Variants in SLC38A10 observed in about 807,000 individuals in gnomAD.
SLC38A10 encodes the protein solute carrier family 38 member 10, also known as Sodium-coupled neutral amino acid transporter 10.
In SLC38A10, 53 loss-of-function variants were observed where a neutral mutation model predicts 81.0. The ratio of observed to expected loss-of-function variants is 0.65; its 90% confidence interval spans 0.53 to 0.82. The LOEUF (loss-of-function observed/expected upper bound fraction) is 0.82. Among genes scored for constraint, SLC38A10 ranks in the 40% least tolerant of loss-of-function variants. SLC38A10 has a pLI of 0.00. For missense variants in SLC38A10, 1,471 were observed against 1,545.0 expected (o/e 0.95, Z 0.80); for synonymous variants, 665 against 655.3 (o/e 1.01, Z -0.23).
intron 11 of SLC38A10, among the ~76,000 whole-genome samples, chr17:81,258,983 T>G (rs545965391): frequency 1.3e-5 from 2 of 152,296 alleles, no homozygotes; most frequent in South Asian, 4.1e-4. Flanking sequence ...TTGGCAAATA[T>G]GAGCACAGCG....
chr17:81,249,945 T>C, intron 14 of SLC38A10: 1 of 853,872 alleles, frequency 1.2e-6, no homozygotes, highest in Non-Finnish European at 1.6e-6. Flanking sequence ...TGCGCAGGTC[T>C]GGGGCCTGAC....
chr17:81,247,655 C>T (rs2062865097), intron 14 of SLC38A10: 1 of 144,548 alleles, frequency 6.9e-6, no homozygotes, highest in Non-Finnish European at 1.5e-5. Context: ...GCAAGACCCC[C>T]ATCTCCACAA....
intron 10 of SLC38A10, among the ~76,000 whole-genome samples, chr17:81,261,951 G>A (rs1435509231): frequency 2.6e-5 from 4 of 152,328 alleles, no homozygotes; most frequent in East Asian, 3.9e-4. Context: ...CCCTGGCCCC[G>A]AATGTTCTCC....
rs920213262 is a variant in SLC38A10 at position 81,277,960 on chromosome 17, G to A, written c.627-827C>T. On this transcript the variant is annotated intron_variant, in intron 6 of 15. Transcript: ENST00000374759. The surrounding 1 kb of genome is among the most constrained non-coding windows in gnomAD (Gnocchi z 4.5). ...GTGGGAGTCCAGGGGGGTGCTCCTAGGGTGTCCAGGTGGCCATGGCCATGG... is the reference window on the plus strand; with the variant it reads ...GTGGGAGTCCAGGGGGGTGCTCCTAAGGTGTCCAGGTGGCCATGGCCATGG... Among the ~76,000 whole-genome samples, 1 of 151,892 alleles carries A rather than the reference G, an allele frequency of 6.6e-6. No homozygotes were observed. Among genetic ancestry groups the A allele is most frequent in the Admixed American group, 6.5e-5 (1 of 15,270 alleles).
chr17:81,290,370 A>C (rs529215142), intron 1 of SLC38A10, among the ~76,000 whole-genome samples: 15 of 152,350 alleles, frequency 9.8e-5, no homozygotes, highest in Admixed American at 6.5e-4. Context: ...AATGTCCTTC[A>C]ACAAGCGAAT....
At chr17:81,275,423 T>C (rs1436593289) in intron 8 of SLC38A10, among the ~76,000 whole-genome samples, 2 of 151,670 alleles carry the variant, frequency 1.3e-5, no homozygotes, top group Non-Finnish European at 2.9e-5. Context: ...TTTTCAAAGT[T>C]ACACAAAAGT....
rs761256608 is a variant in SLC38A10 at position 81,253,367 on chromosome 17, G to A, written c.1289-127C>T. On this transcript the variant is annotated intron_variant, in intron 11 of 15. Coordinates refer to ENST00000374759, the MANE Select transcript of SLC38A10 (RefSeq NM_001037984.3). This position sits in a 1 kb window ranked among gnomAD's most constrained non-coding sequence, Gnocchi z 4.1. ...TCAAAGCAGTTTCTTTTTCCTGTTC[G>A]ATCATTAGCAGCTAAGTAGCACAGA... is the stretch of plus-strand genomic sequence containing the variant. The A allele has an allele frequency of 7.8e-6, 9 of 1,149,252 alleles. No individual in the cohort carries two copies. The highest frequency in any genetic ancestry group is 2.7e-5 in the Admixed American group (1 of 36,624). 71.2% of individuals were successfully genotyped at this position (1,149,252 alleles called of 1,614,324 possible).
rs918039435 is a variant in SLC38A10, at chr17:81,247,396, G to A, written c.2066-335C>T. The A allele has an allele frequency of 8.6e-5, 21 of 243,230 alleles. No homozygotes were observed. The East Asian group carries it at 1.5e-3, about 18-fold the overall frequency. 15.1% of individuals were successfully genotyped at this position (243,230 alleles called of 1,614,324 possible). A position where few individuals can be genotyped will look rare whatever the true frequency, so the allele number is the denominator to read the frequency against. The stretch of plus-strand genomic sequence containing the variant: ...CGGCAGGACCCCAGCAAGCCTGCTC[G>A]TTGCCCATGGAAGTGAGTGTCCAGA... On this transcript the variant is annotated intron_variant, in intron 14 of 15. Coordinates refer to ENST00000374759, the MANE Select transcript of SLC38A10 (RefSeq NM_001037984.3).
intron 8 of SLC38A10, among the ~76,000 whole-genome samples, chr17:81,273,061 C>T (rs1343953239): frequency 1.3e-5 from 2 of 152,170 alleles, no homozygotes; most frequent in African/African-American, 4.8e-5. Flanking sequence ...AGAACCCCCC[C>T]AAACACACGC....
rs1474828418 is a variant in SLC38A10 at position 81,246,956 on chromosome 17, G to A, written c.2171C>T (p.Ala724Val). The change falls in exon 15 of 16, where the codon GCG (alanine) becomes GTG (valine). Residue 724 changes from alanine to valine, a missense_variant. Ala to Val is a moderately conservative substitution (Grantham distance 64). Transcript: ENST00000374759. ...RLLDQQEKLL[A>V]VIEEQHKEIH... Reference sequence around the variant, plus strand: ...CTCCTTGTGCTGCTCCTCGATCACCGCCAGCAGCTTCTCCTGCTGGTCCAG... The same window carrying A: ...CTCCTTGTGCTGCTCCTCGATCACCACCAGCAGCTTCTCCTGCTGGTCCAG... The A allele has an allele frequency of 1.9e-6, 3 of 1,607,170 alleles. No individual in the cohort carries two copies. Among genetic ancestry groups the A allele is most frequent in the Non-Finnish European group, 2.5e-6 (3 of 1,179,536 alleles).
chr17:81,268,479 C>T (rs2063088630), intron 10 of SLC38A10, among the ~76,000 whole-genome samples: 1 of 151,464 alleles, frequency 6.6e-6, no homozygotes, highest in South Asian at 2.1e-4. Flanking sequence ...TATCTCGGCT[C>T]ACTGCAACCT....
At chr17:81,258,160 ACT>A (rs1165433294) in intron 11 of SLC38A10, among the ~76,000 whole-genome samples, 1 of 151,920 alleles carries the variant, frequency 6.6e-6, no homozygotes. Context: ...GCCACGCAGG[ACT>A]CTCACCCAGT....
In SLC38A10 at chr17:81,246,205, G is replaced by A. The variant is rs769938198; in HGVS notation, c.2711C>T (p.Thr904Ile). 9 of 1,612,598 alleles carry A rather than the reference G, an allele frequency of 5.6e-6. No individual in the cohort carries two copies. Among genetic ancestry groups the A allele is most frequent in the African/African-American group, 5.3e-5 (4 of 74,948 alleles). ...KPGKEVAATG[T>I]SILKEANWLV... Reference sequence around the variant, plus strand: ...CCAGTTGGCTTCCTTCAGAATGCTGGTGCCAGTGGCTGCCACCTCCTTCCC... The same window carrying A: ...CCAGTTGGCTTCCTTCAGAATGCTGATGCCAGTGGCTGCCACCTCCTTCCC... Residue 904 changes from threonine to isoleucine, a missense_variant, in exon 16 of 16, where the codon ACC becomes ATC. Transcript: ENST00000374759.
rs1301384971 is a variant in SLC38A10 at position 81,270,851 on chromosome 17, C to A, written c.1131+67G>T. On this transcript the variant is annotated intron_variant, in intron 10 of 15. Transcript: ENST00000374759. This position sits in a 1 kb window ranked among gnomAD's most constrained non-coding sequence, Gnocchi z 4.0. Reference sequence around the variant, plus strand: ...AAACGCTGAACCAGGGGCTTCCTCCCGCCTCCACCTCTCCCCAGCCCAGAC... The same window carrying A: ...AAACGCTGAACCAGGGGCTTCCTCCAGCCTCCACCTCTCCCCAGCCCAGAC... 3 of 1,383,034 alleles carry A rather than the reference C, an allele frequency of 2.2e-6. No homozygotes were observed. Among genetic ancestry groups the A allele is most frequent in the Non-Finnish European group, 3.1e-6 (3 of 978,406 alleles). The allele number at this position is 1,383,034 out of a possible 1,614,324, so 85.7% of individuals were successfully genotyped here.
chr17:81,260,300 G>T lies in SLC38A10; in HGVS notation c.1226C>A (p.Ala409Asp), dbSNP rs750763576. 38 of 1,607,596 alleles carry T rather than the reference G, an allele frequency of 2.4e-5. No individual in the cohort carries two copies. The highest frequency in any genetic ancestry group is 5.1e-5 in the Admixed American group (3 of 59,130). ...EEVPEDLAEE[A>D]PGGRLGEAEG... The stretch of plus-strand genomic sequence containing the variant: ...GGCCTCTCCAAGCCGGCCGCCAGGG[G>T]CTTCCTCTGCCAAGTCCTCGGGGAC... Residue 409 changes from alanine (A) to aspartate (D), a missense_variant, in exon 11 of 16, where the codon GCC becomes GAC. By Grantham distance (126) the Ala-to-Asp change is moderately radical. Transcript: ENST00000374759.
At chr17:81,291,927 T>C (rs1454776216) in intron 1 of SLC38A10, among the ~76,000 whole-genome samples, 1 of 152,196 alleles carries the variant, frequency 6.6e-6, no homozygotes, top group African/African-American at 2.4e-5. Flanking sequence ...GTCAGCAGTG[T>C]GCCCCGGGTA....
chr17:81,254,873 G>T (rs1165959808), intron 11 of SLC38A10, among the ~76,000 whole-genome samples: 5 of 152,278 alleles, frequency 3.3e-5, no homozygotes, highest in African/African-American at 1.2e-4. Context: ...AATCAAGAGG[G>T]CCTGTCCAAT....
In SLC38A10 at chr17:81,280,629, G is replaced by T; in HGVS notation, c.606C>A (p.Gly202=). ...CTTACGACTGGCAGGCGAAGGACATGCCGAAGATGGGGATGCAGCGGAAGA... is the reference window on the plus strand; with the variant it reads ...CTTACGACTGGCAGGCGAAGGACATTCCGAAGATGGGGATGCAGCGGAAGA... ...EGVFRCIPIF[G]MSFACQSQVL... The change falls in exon 6 of 16, where the codon GGC becomes GGA. Residue 202 remains glycine, a synonymous_variant. Transcript: ENST00000374759. The T allele has an allele frequency of 6.2e-7, 1 of 1,612,706 alleles. No individual in the cohort carries two copies. The highest frequency in any genetic ancestry group is 8.5e-7 in the Non-Finnish European group (1 of 1,179,718).
chr17:81,264,943 C>T (rs2063057499), intron 10 of SLC38A10: 1 of 152,218 alleles, frequency 6.6e-6, no homozygotes, highest in Admixed American at 6.5e-5. Flanking sequence ...CCTCCCGCGC[C>T]CCAGGGATCT....
Sources: gnomAD v4.1 joint callset for allele counts (sites outside exome capture counted in the v4.1 genomes callset) on GRCh38, gnomAD v4.1.1 for gene constraint, Gnocchi (gnomAD v3.1) non-coding constraint, MANE v1.5 for transcripts, NCBI Gene and HGNC (gene_info 2026-07-23, HGNC 2026-07-21) for gene names.